Variants in CEP55 observed in about 807,000 individuals in gnomAD.
CEP55 encodes the protein centrosomal protein of 55 kDa.
In CEP55, 57 loss-of-function variants were observed where a neutral mutation model predicts 63.2. That is an observed-to-expected ratio of 0.90 (90% CI 0.73 to 1.13). The LOEUF (loss-of-function observed/expected upper bound fraction) is 1.13, where lower values mean the gene tolerates loss of function less well. Ranked by LOEUF, CEP55 falls within the 50% of genes most tolerant of loss-of-function variation. CEP55 has a pLI of 0.00. For synonymous variants in CEP55, 178 were observed against 191.6 expected (o/e 0.93, Z 0.59); for missense variants, 456 against 518.9 (o/e 0.88, Z 1.18).
chr10:93,498,143 A>AAG (rs937685702), intron 1 of CEP55, among the ~76,000 whole-genome samples: 3 of 72,670 alleles, frequency 4.1e-5, no homozygotes, highest in African/African-American at 2.9e-4. Flanking sequence ...CGCCCCCGCC[A>AAG]AAAAAAAAAA....
In CEP55 at chr10:93,517,017, C is replaced by T. The variant is rs553278671; in HGVS notation, c.762C>T (p.Thr254=). ...AKKDLEVERQ[T]ITQLSFELSE... is the part of the protein sequence containing the mutation. ...AAGATCTTGAGGTTGAACGACAAAC[C>T]ATAACTCAGCTGAGTTTTGAACTGA... is the stretch of plus-strand genomic sequence containing the variant. Residue 254 remains threonine (T), a synonymous_variant, in exon 6 of 9, where the codon ACC becomes ACT. Coordinates refer to ENST00000371485, the MANE Select transcript of CEP55 (RefSeq NM_018131.5). 3 of 1,612,656 alleles carry T rather than the reference C, an allele frequency of 1.9e-6. No homozygotes were observed. In the South Asian group the frequency reaches 3.3e-5, roughly 18 times the overall value.
chr10:93,506,996 TCCAA>T lies in CEP55; in HGVS notation c.469_472del (p.Pro157ThrfsTer7). The T allele has an allele frequency of 1.9e-6, 3 of 1,584,180 alleles. No homozygotes were observed. Among genetic ancestry groups the T allele is most frequent in the Non-Finnish European group, 2.6e-6 (3 of 1,152,822 alleles). On this transcript the variant is annotated frameshift_variant, in exon 4 of 9. Transcript: ENST00000371485. LOFTEE classifies it high-confidence loss of function. ...TGTTGGATTATTTACAGACTGTGGC[TCCAA>T]ACTGCTTCAACTCATCAATAAATAA...
Position 93,528,214 on chromosome 10 carries a change from G to T in CEP55, c.*61G>T. On this transcript the variant is annotated 3_prime_UTR_variant, in exon 9 of 9. Transcript: ENST00000371485. ...ATACTGTATTTTCTGTTAGCTTGTG[G>T]GCATTTTGAATTATATATTTCACAT... 6.9e-7 allele frequency: 1 copy of T among 1,442,062 alleles called. No homozygotes were observed. Among genetic ancestry groups the T allele is most frequent in the East Asian group, 2.3e-5 (1 of 43,026 alleles). 89.3% of individuals were successfully genotyped at this position (1,442,062 alleles called of 1,614,324 possible).
At chr10:93,513,016 A>C (rs1219013804) in intron 4 of CEP55, among the ~76,000 whole-genome samples, 1 of 152,236 alleles carries the variant, frequency 6.6e-6, no homozygotes, top group Non-Finnish European at 1.5e-5. Flanking sequence ...TCAATAAGAC[A>C]GACTCTTTAA....
At chr10:93,524,915 A>C (rs1453916124) in intron 8 of CEP55, among the ~76,000 whole-genome samples, 4 of 152,210 alleles carry the variant, frequency 2.6e-5, no homozygotes, top group Admixed American at 2.6e-4. Context: ...ACTCTCAATA[A>C]ATTAGGTATT....
chr10:93,517,333 T>C (rs915749407), intron 6 of CEP55, 85 bp downstream of exon 6: 6 of 1,109,864 alleles, frequency 5.4e-6, no homozygotes, highest in Non-Finnish European at 7.7e-6. Context: ...GAGAACTGGC[T>C]AGGGACAAAA....
chr10:93,523,575 T>C (rs921937710), intron 8 of CEP55, among the ~76,000 whole-genome samples: 1 of 152,200 alleles, frequency 6.6e-6, no homozygotes, highest in African/African-American at 2.4e-5. Flanking sequence ...AACTCAGCTC[T>C]GCACCAAGCG....
intron 3 of CEP55, among the ~76,000 whole-genome samples, chr10:93,503,883 C>T (rs1192503610): frequency 6.6e-6 from 1 of 152,030 alleles, no homozygotes; most frequent in Non-Finnish European, 1.5e-5. Context: ...TTGTACTTGC[C>T]AGCTCTGTGA....
At chr10:93,516,158 G>T (rs1176750563) in intron 5 of CEP55, among the ~76,000 whole-genome samples, 1 of 152,130 alleles carries the variant, frequency 6.6e-6, no homozygotes, top group Non-Finnish European at 1.5e-5. Context: ...GCTAAGAAAA[G>T]AAAAATGAGA....
Position 93,500,205 on chromosome 10 carries a change from AC to A in CEP55, c.155del (p.Thr52MetfsTer36). 6.2e-7 allele frequency: 1 copy of A among 1,613,062 alleles called. No homozygotes were observed. Among genetic ancestry groups the A allele is most frequent in the Non-Finnish European group, 8.5e-7 (1 of 1,179,694 alleles). ...DEITSGKGKL[T>X]DKERHRLLEK... The stretch of plus-strand genomic sequence containing the variant: ...AATCACAAGTGGGAAAGGAAAGCTG[AC>A]TGATAAAGAGAGACACAGACTTTTG... On this transcript the variant is annotated frameshift_variant, in exon 2 of 9. Coordinates refer to ENST00000371485, the MANE Select transcript of CEP55 (RefSeq NM_018131.5). LOFTEE classifies it high-confidence loss of function.
rs376713552 is a variant in CEP55 at position 93,528,162 on chromosome 10, G to A, written c.*9G>A. ...AATACTGTTCAAAGTAGCAAAATAA[G>A]TATTTGTTTTGATATTAAAAGATTC... On this transcript the variant is annotated 3_prime_UTR_variant, in exon 9 of 9. Coordinates refer to ENST00000371485, the MANE Select transcript of CEP55 (RefSeq NM_018131.5). 1.8e-5 allele frequency: 29 copies of A among 1,605,358 alleles called. No homozygotes were observed. The highest frequency in any genetic ancestry group is 3.3e-5 in the Admixed American group (2 of 59,702).
chr10:93,502,996 A>T, intron 2 of CEP55, 117 bp from the exon 3 acceptor site: 1 of 976,638 alleles, frequency 1.0e-6, no homozygotes, highest in Non-Finnish European at 1.5e-6. Context: ...TGGCCTTGGT[A>T]TTTAGCGTAA....
At chr10:93,510,233 T>G (rs2057731101) in intron 4 of CEP55, among the ~76,000 whole-genome samples, 1 of 152,214 alleles carries the variant, frequency 6.6e-6, no homozygotes, top group African/African-American at 2.4e-5. Context: ...ACAAACCAAA[T>G]AGCCAAAAGA....
In CEP55 at chr10:93,507,076, A is replaced by T; in HGVS notation, c.528+20A>T. Reference sequence around the variant, plus strand: ...AAAGATGTAAGTTCATTTCCTTTTAAGTTATGGGTAAAGAGGGCTAATTCA... The same window carrying T: ...AAAGATGTAAGTTCATTTCCTTTTATGTTATGGGTAAAGAGGGCTAATTCA... On this transcript the variant is annotated intron_variant, in intron 4 of 8. Coordinates refer to ENST00000371485, the MANE Select transcript of CEP55 (RefSeq NM_018131.5). 1 of 1,370,826 alleles carries T rather than the reference A, an allele frequency of 7.3e-7. No individual in the cohort carries two copies. The highest frequency in any genetic ancestry group is 1.0e-6 in the Non-Finnish European group (1 of 966,244). The allele number at this position is 1,370,826 out of a possible 1,614,324, so 84.9% of individuals were successfully genotyped here.
At chr10:93,499,990 G>A in intron 1 of CEP55, 50 bp from the exon 2 acceptor site, 1 of 1,297,340 alleles carries the variant, frequency 7.7e-7, no homozygotes, top group Non-Finnish European at 1.1e-6. Context: ...TCAAACTTGA[G>A]ATTTAAATTT....
intron 2 of CEP55, among the ~76,000 whole-genome samples, chr10:93,502,491 T>C (rs2057644886): frequency 1.3e-5 from 2 of 152,216 alleles, no homozygotes; most frequent in Admixed American, 6.5e-5. Context: ...TAATAATTAT[T>C]TCTATTATCT....
rs199987994 is a variant in CEP55 at position 93,519,895 on chromosome 10, C to T, written c.1191+88C>T. ...CCGAACTTAGGAGGATACAGCTTAA[C>T]ACACAGCTAGCTGTATCTCAAATCA... is the stretch of plus-strand genomic sequence containing the variant. On this transcript the variant is annotated intron_variant, in intron 8 of 8. Transcript: ENST00000371485. The T allele has an allele frequency of 2.3e-3, 3,341 of 1,447,898 alleles. 13 individuals are homozygous for T. The highest frequency in any genetic ancestry group is 2.8e-3 in the Non-Finnish European group (2,934 of 1,037,100). The allele number at this position is 1,447,898 out of a possible 1,614,324, so 89.7% of individuals were successfully genotyped here.
intron 8 of CEP55, among the ~76,000 whole-genome samples, chr10:93,522,303 T>C (rs955135025): frequency 6.6e-6 from 1 of 152,194 alleles, no homozygotes; most frequent in Non-Finnish European, 1.5e-5. Flanking sequence ...CAAGCCTCAG[T>C]AGCCGATTTG....
At chr10:93,498,898 A>G (rs1426101269) in intron 1 of CEP55, among the ~76,000 whole-genome samples, 4 of 152,028 alleles carry the variant, frequency 2.6e-5, no homozygotes, top group Non-Finnish European at 5.9e-5. Context: ...GAATGCACTA[A>G]TGGGCTCATA....
Sources: allele counts gnomAD v4.1 joint callset (sites outside exome capture counted in the v4.1 genomes callset), GRCh38; gene constraint gnomAD v4.1.1; transcripts MANE v1.5; gene names NCBI Gene and HGNC (gene_info 2026-07-23, HGNC 2026-07-21).